The following SATB1 variants were observed in gnomAD, a reference collection of about 807,000 sequenced individuals.
SATB1 encodes SATB homeobox 1, also known as DNA-binding protein SATB1.
SATB1 carries 11 observed loss-of-function variants against 86.9 expected under a neutral mutation model. The ratio of observed to expected loss-of-function variants is 0.13; its 90% CI spans 0.08 to 0.21. SATB1 has a LOEUF of 0.21. Ranked by LOEUF, SATB1 falls within the 10% of genes least tolerant of loss-of-function variation. The pLI is 1.00. For missense variants in SATB1, 551 were observed against 937.6 expected, an observed-to-expected ratio of 0.59 and a Z score of 5.39; for synonymous variants, 357 against 357.2, an observed-to-expected ratio of 1.00 and a Z score of 0.01.
At chr3:18,373,955 AT>A (rs1695603254) in intron 9 of SATB1, among the ~76,000 whole-genome samples, 1 of 152,308 alleles carries the variant, frequency 6.6e-6, no homozygotes, top group East Asian at 1.9e-4. Context: ...GTCAAACAGA[AT>A]TTTCACCAGC....
intron 5 of SATB1, chr3:18,411,161 A>T (rs1697813016): frequency 2.9e-6 from 1 of 342,336 alleles, no homozygotes; most frequent in African/African-American, 2.1e-5. Flanking sequence ...TAAAAATAAC[A>T]CTTCTCACCC....
At chr3:18,415,363 T>C in intron 4 of SATB1, 129 bp from the exon 5 acceptor site, 1 of 1,031,110 alleles carries the variant, frequency 9.7e-7, no homozygotes, top group African/African-American at 1.6e-5. Flanking sequence ...CTCGGTCTCC[T>C]GATTGTTCCG....
intron 9 of SATB1, among the ~76,000 whole-genome samples, chr3:18,365,448 G>C (rs956053381): frequency 2.1e-4 from 32 of 152,126 alleles, no homozygotes; most frequent in African/African-American, 7.5e-4. Context: ...TGGATGTGCG[G>C]GTGGGTAGGG....
chr3:18,421,965 CAG>C (rs1698420076), intron 1 of SATB1, among the ~76,000 whole-genome samples: 1 of 151,720 alleles, frequency 6.6e-6, no homozygotes, highest in African/African-American at 2.4e-5. Context: ...AAAAAATTAA[CAG>C]ATAATTATTT....
At chr3:18,416,623 T>C (rs1169024358) in intron 3 of SATB1, among the ~76,000 whole-genome samples, 1 of 152,074 alleles carries the variant, frequency 6.6e-6, no homozygotes, top group Non-Finnish European at 1.5e-5. Flanking sequence ...CCTCACTTCC[T>C]TGTGGGTCCT....
At chr3:18,438,236 C>A (rs1045735718) in intron 1 of SATB1, among the ~76,000 whole-genome samples, 1 of 152,190 alleles carries the variant, frequency 6.6e-6, no homozygotes, top group African/African-American at 2.4e-5. Context: ...ATAGAGGAAT[C>A]TCTAGCAATC....
intron 9 of SATB1, among the ~76,000 whole-genome samples, chr3:18,359,272 A>G (rs901214951): frequency 1.3e-5 from 2 of 152,002 alleles, no homozygotes; most frequent in East Asian, 1.9e-4. Flanking sequence ...TCAAATGACA[A>G]CCTGGCCAGA....
chr3:18,383,051 A>G (rs578140542), intron 8 of SATB1, among the ~76,000 whole-genome samples: 1 of 152,362 alleles, frequency 6.6e-6, no homozygotes, highest in African/African-American at 2.4e-5. Context: ...TATCAGGTGC[A>G]AGATATTCTT....
intron 9 of SATB1, among the ~76,000 whole-genome samples, chr3:18,362,719 G>A (rs1365945096): frequency 6.6e-6 from 1 of 151,526 alleles, no homozygotes; most frequent in Non-Finnish European, 1.5e-5. Context: ...ATGAGTATGT[G>A]CTCTCATATT....
intron 2 of SATB1, among the ~76,000 whole-genome samples, chr3:18,418,808 T>C (rs1333656925): frequency 2.6e-5 from 4 of 152,206 alleles, no homozygotes; most frequent in East Asian, 1.9e-4. Flanking sequence ...AAAAAGACTT[T>C]AGTAATTTTG....
At chr3:18,406,081 A>G (rs1267202860) in intron 5 of SATB1, among the ~76,000 whole-genome samples, 2 of 151,978 alleles carry the variant, frequency 1.3e-5, no homozygotes, top group South Asian at 2.1e-4. Context: ...ATCACTAAAC[A>G]TGTGTTTTCC....
chr3:18,419,506 C>G (rs1404289248), intron 2 of SATB1, among the ~76,000 whole-genome samples: 1 of 152,176 alleles, frequency 6.6e-6, no homozygotes, highest in Non-Finnish European at 1.5e-5. Flanking sequence ...TTAAAGTTTG[C>G]TGTGCAAATA....
intron 7 of SATB1, among the ~76,000 whole-genome samples, chr3:18,392,360 A>T (rs1281347497): frequency 1.3e-5 from 2 of 152,204 alleles, no homozygotes; most frequent in African/African-American, 2.4e-5. Context: ...CAAATGGCCA[A>T]CTCCTCATAG....
At chr3:18,416,823 A>G in intron 3 of SATB1, 79 bp downstream of exon 3, 1 of 1,356,558 alleles carries the variant, frequency 7.4e-7, no homozygotes, top group Non-Finnish European at 1.0e-6. Context: ...TTCTTTGAAT[A>G]AAAATATTCA....
Position 18,347,696 on chromosome 3 carries a change from T to G in SATB1, c.*1474A>C, listed in dbSNP as rs1431834171. The G allele has an allele frequency of 6.6e-6, 1 of 152,242 alleles. No individual in the cohort carries two copies. Among genetic ancestry groups the G allele is most frequent in the Admixed American group, 6.5e-5 (1 of 15,284 alleles). 9.4% of individuals were successfully genotyped at this position (152,242 alleles called of 1,614,324 possible). A position where few individuals can be genotyped will look rare whatever the true frequency, so the allele number is the denominator to read the frequency against. On this transcript the variant is annotated 3_prime_UTR_variant, in exon 11 of 11. Coordinates refer to ENST00000338745, the MANE Select transcript of SATB1 (RefSeq NM_002971.6). ...GGATTTGTTTTTGTCGGAGAGTCTT[T>G]TGACCATCCTATCTCTACTTATTAA...
intron 9 of SATB1, among the ~76,000 whole-genome samples, chr3:18,353,831 A>C (rs953658452): frequency 6.6e-6 from 1 of 152,204 alleles, no homozygotes; most frequent in Admixed American, 6.5e-5. Context: ...CATGACATCT[A>C]CTAGTATTCC....
At chr3:18,418,383 T>C (rs1463698285) in intron 2 of SATB1, among the ~76,000 whole-genome samples, 1 of 152,158 alleles carries the variant, frequency 6.6e-6, no homozygotes, top group Non-Finnish European at 1.5e-5. Flanking sequence ...CATGTGAGTC[T>C]TCACCAAAGC....
rs1027152925 is a variant in SATB1 at position 18,423,880 on chromosome 3, G to C, written c.-278C>G. The C allele has an allele frequency of 6.6e-6, 1 of 151,148 alleles. No homozygotes were observed. The highest frequency in any genetic ancestry group is 1.5e-5 in the Non-Finnish European group (1 of 67,624). The allele number at this position is 151,148 out of a possible 1,614,324, so 9.4% of individuals were successfully genotyped here. Reference sequence around the variant, plus strand: ...GTCTAGAAGAGTAGCCATGAGAAAGGGGTTTAAAAAAAAAATCACAATTCG... The same window carrying C: ...GTCTAGAAGAGTAGCCATGAGAAAGCGGTTTAAAAAAAAAATCACAATTCG... On this transcript the variant is annotated 5_prime_UTR_variant, in exon 1 of 11. Coordinates refer to ENST00000338745, the MANE Select transcript of SATB1 (RefSeq NM_002971.6).
chr3:18,362,688 T>G (rs1376268446), intron 9 of SATB1, among the ~76,000 whole-genome samples: 1 of 151,964 alleles, frequency 6.6e-6, no homozygotes, highest in Non-Finnish European at 1.5e-5. Flanking sequence ...AACTTTACTT[T>G]TCCTAAATTT....
Sources: gnomAD v4.1 joint callset for allele counts (sites outside exome capture counted in the v4.1 genomes callset) on GRCh38, gnomAD v4.1.1 for gene constraint, MANE v1.5 for transcripts, NCBI Gene and HGNC (gene_info 2026-07-23, HGNC 2026-07-21) for gene names.